Variants in HSD17B3 observed in about 807,000 individuals in gnomAD.
HSD17B3 encodes hydroxysteroid 17-beta dehydrogenase 3, also known as 17-beta-hydroxysteroid dehydrogenase type 3.
Under a neutral mutation model 41.1 loss-of-function variants are expected in HSD17B3, and 29 were observed. That is an observed-to-expected ratio of 0.71 (90% confidence interval 0.53 to 0.96). The LOEUF (loss-of-function observed/expected upper bound fraction) is 0.96, where lower values mean the gene tolerates loss of function less well. Among genes scored for constraint, HSD17B3 ranks in the 40% least tolerant of loss-of-function variants. The pLI, the probability that HSD17B3 is intolerant of heterozygous loss-of-function variation, is 0.00. For missense variants in HSD17B3, 323 were observed against 374.6 expected, an observed-to-expected ratio of 0.86 and a Z score of 1.14; for synonymous variants, 126 against 145.6, an observed-to-expected ratio of 0.87 and a Z score of 0.97.
chr9:96,279,776 CTT>C (rs567549720), intron 2 of HSD17B3, among the ~76,000 whole-genome samples: 4 of 145,684 alleles, frequency 2.7e-5, no homozygotes, highest in Non-Finnish European at 1.5e-5. Context: ...CTTTGTCACT[CTT>C]TTTTTTTTTT....
At chr9:96,265,932 G>A (rs977443682) in intron 2 of HSD17B3, among the ~76,000 whole-genome samples, 1 of 152,152 alleles carries the variant, frequency 6.6e-6, no homozygotes, top group African/African-American at 2.4e-5. Flanking sequence ...TGATCTAAGG[G>A]CCATGTCTAA....
intron 2 of HSD17B3, among the ~76,000 whole-genome samples, chr9:96,270,650 T>G (rs959339793): frequency 6.6e-6 from 1 of 152,264 alleles, no homozygotes; most frequent in Non-Finnish European, 1.5e-5. Flanking sequence ...AAGGGCCAAC[T>G]GTGTGCCATT....
chr9:96,295,598 G>A (rs559246407), intron 2 of HSD17B3, among the ~76,000 whole-genome samples: 1 of 152,086 alleles, frequency 6.6e-6, no homozygotes, highest in Non-Finnish European at 1.5e-5. Context: ...GCCTCCCAAA[G>A]TGCTGGGATT....
At chr9:96,279,677 CA>C (rs1826608040) in intron 2 of HSD17B3, among the ~76,000 whole-genome samples, 1 of 152,082 alleles carries the variant, frequency 6.6e-6, no homozygotes, top group African/African-American at 2.4e-5. Flanking sequence ...CAAAATGTGT[CA>C]AAGAAATACA....
chr9:96,290,906 G>T (rs1209293214), intron 2 of HSD17B3, among the ~76,000 whole-genome samples: 2 of 151,698 alleles, frequency 1.3e-5, no homozygotes, highest in African/African-American at 4.8e-5. Context: ...GACCAGAAAA[G>T]GGGATGTCTA....
chr9:96,256,374 C>T (rs1010084845), intron 2 of HSD17B3: 1 of 152,122 alleles, frequency 6.6e-6, no homozygotes, highest in East Asian at 1.9e-4. Flanking sequence ...TGGCTCACAC[C>T]TGTAATCTCA....
At chr9:96,275,010 T>G (rs1302316178) in intron 2 of HSD17B3, among the ~76,000 whole-genome samples, 1 of 152,004 alleles carries the variant, frequency 6.6e-6, no homozygotes, top group Admixed American at 6.6e-5. Context: ...AAGAGAAAAG[T>G]TGGAACCCCC....
chr9:96,256,038 T>A (rs889428878), intron 2 of HSD17B3, among the ~76,000 whole-genome samples: 1 of 152,180 alleles, frequency 6.6e-6, no homozygotes, highest in African/African-American at 2.4e-5. Context: ...AGTTAGAGTT[T>A]TTCCTGAAAG....
chr9:96,284,968 A>G (rs1453469365), intron 2 of HSD17B3, among the ~76,000 whole-genome samples: 1 of 151,542 alleles, frequency 6.6e-6, no homozygotes. Context: ...CCTCCCGAGT[A>G]GCTGGGATTG....
At chr9:96,263,832 A>C (rs1318158706) in intron 2 of HSD17B3, among the ~76,000 whole-genome samples, 2 of 152,116 alleles carry the variant, frequency 1.3e-5, no homozygotes, top group Admixed American at 6.5e-5. Context: ...AGGATACAAA[A>C]TTTCTTTTTT....
intron 2 of HSD17B3, among the ~76,000 whole-genome samples, chr9:96,270,760 T>C (rs556581597): frequency 2.0e-5 from 3 of 152,346 alleles, no homozygotes; most frequent in East Asian, 3.9e-4. Context: ...TTCCCAGGTA[T>C]TGGGAGATGG....
chr9:96,255,945 C>CG (rs1825637656), intron 2 of HSD17B3, among the ~76,000 whole-genome samples: 1 of 152,136 alleles, frequency 6.6e-6, no homozygotes, highest in Admixed American at 6.5e-5. Flanking sequence ...AGAGATTCCG[C>CG]GGGGGACACG....
intron 6 of HSD17B3, 98 bp from the exon 7 acceptor site, chr9:96,246,688 A>T: frequency 9.6e-7 from 1 of 1,038,400 alleles, no homozygotes; most frequent in Non-Finnish European, 1.5e-6. Flanking sequence ...GGAAGCTGGG[A>T]AAGAGCCTCA....
intron 2 of HSD17B3, among the ~76,000 whole-genome samples, chr9:96,291,326 G>A (rs1016916901): frequency 6.6e-6 from 1 of 151,736 alleles, no homozygotes; most frequent in Admixed American, 6.6e-5. Context: ...TATCAGCAGA[G>A]GCCCAGGAAG....
intron 1 of HSD17B3, among the ~76,000 whole-genome samples, chr9:96,298,753 A>G (rs1039316042): frequency 5.9e-5 from 9 of 152,118 alleles, no homozygotes; most frequent in African/African-American, 2.2e-4. Flanking sequence ...TCCAAAATGA[A>G]ACAGATCCGC....
chr9:96,237,575 C>T lies in HSD17B3; in HGVS notation c.823-2005G>A, dbSNP rs1033245711. ...CCCCATGCTCCCTGTGGGTGGAGGG[C>T]GTGCTATCTTTGCCTGGCCTCTTGG... On this transcript the variant is annotated intron_variant, in intron 10 of 10. Transcript: ENST00000375263. Among the ~76,000 whole-genome samples the T allele has an allele frequency of 2.0e-4, 31 of 152,294 alleles. No individual in the cohort carries two copies. In the South Asian group the frequency reaches 5.0e-3, roughly 24 times the overall value.
intron 2 of HSD17B3, among the ~76,000 whole-genome samples, chr9:96,281,735 GA>G (rs1826699425): frequency 6.6e-6 from 1 of 152,206 alleles, no homozygotes; most frequent in African/African-American, 2.4e-5. Flanking sequence ...GGGAACTTAA[GA>G]GCTGATGAGA....
chr9:96,240,830 C>T lies in HSD17B3; in HGVS notation c.750G>A (p.Glu250=). The T allele has an allele frequency of 6.2e-7, 1 of 1,614,172 alleles. No homozygotes were observed. Among genetic ancestry groups the T allele is most frequent in the Non-Finnish European group, 8.5e-7 (1 of 1,179,996 alleles). Residue 250 remains glutamate, a synonymous_variant, in exon 10 of 11, where the codon GAG becomes GAA. Coordinates refer to ENST00000375263, the MANE Select transcript of HSD17B3 (RefSeq NM_000197.2). ...NTNVITKTAD[E]FVKESLNYVT... ...CATAATTCAATGACTCTTTGACAAA[C>T]TCATCAGCAGTCTTGGTTATCACAT...
intron 2 of HSD17B3, among the ~76,000 whole-genome samples, chr9:96,268,018 G>A (rs550793034): frequency 6.6e-6 from 1 of 152,264 alleles, no homozygotes; most frequent in Admixed American, 6.5e-5. Context: ...TCTGTCTCCT[G>A]GGTTCAAGCG....
Sources: allele counts gnomAD v4.1 joint callset (sites outside exome capture counted in the v4.1 genomes callset), GRCh38; gene constraint gnomAD v4.1.1; transcripts MANE v1.5; gene names NCBI Gene and HGNC (gene_info 2026-07-23, HGNC 2026-07-21).